The following PPARGC1A variants were observed in gnomAD, a reference collection of about 807,000 sequenced individuals.
PPARGC1A encodes PPARG coactivator 1 alpha, also known as peroxisome proliferator-activated receptor gamma coactivator 1-alpha.
A neutral mutation model predicts 88.7 loss-of-function variants in PPARGC1A; 25 were observed. The observed-to-expected ratio is 0.28, with a 90% confidence interval of 0.21 to 0.39. The LOEUF is 0.39. Among genes scored for constraint, PPARGC1A ranks in the 10% least tolerant of loss-of-function variants. The pLI is 1.00. For synonymous variants in PPARGC1A, 363 were observed against 355.6 expected, an observed-to-expected ratio of 1.02 and a Z score of -0.24; for missense variants, 880 against 968.7, an observed-to-expected ratio of 0.91 and a Z score of 1.22.
At chr4:24,000,118 A>G in the PPARGC1A span, among the ~76,000 whole-genome samples, 6 of 150,380 alleles carry the variant, frequency 4.0e-5, no homozygotes, top group African/African-American at 1.5e-4. Flanking sequence ...TTTTTCTTTC[A>G]TATATATGTT....
At chr4:23,939,514 A>G in the PPARGC1A span, among the ~76,000 whole-genome samples, 1 of 152,210 alleles carries the variant, frequency 6.6e-6, no homozygotes. Context: ...TTCAAAGATT[A>G]TCATGATCAC....
At chr4:23,936,629 T>C in the PPARGC1A span, among the ~76,000 whole-genome samples, 1 of 152,108 alleles carries the variant, frequency 6.6e-6, no homozygotes, top group Non-Finnish European at 1.5e-5. Context: ...CCCAACACTT[T>C]GGTAGGCCGA....
the PPARGC1A span, among the ~76,000 whole-genome samples, chr4:24,368,307 A>T: frequency 6.6e-6 from 1 of 152,312 alleles, no homozygotes; most frequent in African/African-American, 2.4e-5. Flanking sequence ...ATACAATTTT[A>T]GGGTAGCAAT....
At chr4:24,290,884 T>C in the PPARGC1A span, among the ~76,000 whole-genome samples, 1 of 152,236 alleles carries the variant, frequency 6.6e-6, no homozygotes, top group African/African-American at 2.4e-5. Context: ...GCTTCAGTGT[T>C]TCTTTTCCTA....
chr4:24,348,552 T>G, the PPARGC1A span, among the ~76,000 whole-genome samples: 1 of 152,196 alleles, frequency 6.6e-6, no homozygotes, highest in Admixed American at 6.5e-5. Context: ...TCAAATACCT[T>G]GTCTTGGAGC....
chr4:24,129,762 A>G, the PPARGC1A span, among the ~76,000 whole-genome samples: 3 of 152,196 alleles, frequency 2.0e-5, no homozygotes, highest in Admixed American at 2.0e-4. Flanking sequence ...TCCATCAATG[A>G]CAGACTGGAT....
the PPARGC1A span, among the ~76,000 whole-genome samples, chr4:24,057,760 T>C: frequency 1.3e-5 from 2 of 152,138 alleles, no homozygotes; most frequent in African/African-American, 4.8e-5. Flanking sequence ...TCTTTTGCAG[T>C]GAGATGAGCC....
the PPARGC1A span, among the ~76,000 whole-genome samples, chr4:24,429,939 C>A: frequency 6.6e-6 from 1 of 152,038 alleles, no homozygotes; most frequent in Non-Finnish European, 1.5e-5. Flanking sequence ...GTGTGAGACA[C>A]CGCACCTGGT....
chr4:24,401,825 T>G, the PPARGC1A span, among the ~76,000 whole-genome samples: 1 of 152,188 alleles, frequency 6.6e-6, no homozygotes, highest in Non-Finnish European at 1.5e-5. Context: ...GGTTGGTACA[T>G]GTGAAGTGCC....
chr4:24,129,783 T>C, the PPARGC1A span, among the ~76,000 whole-genome samples: 5 of 152,304 alleles, frequency 3.3e-5, no homozygotes, highest in East Asian at 7.7e-4. Flanking sequence ...TAAGAAAATG[T>C]GGCACATATA....
chr4:23,969,952 A>G, the PPARGC1A span, among the ~76,000 whole-genome samples: 3 of 152,230 alleles, frequency 2.0e-5, no homozygotes, highest in Non-Finnish European at 4.4e-5. Flanking sequence ...CATTTCCCAC[A>G]GAGATGAAGA....
At chr4:24,134,257 C>T in the PPARGC1A span, among the ~76,000 whole-genome samples, 1 of 152,300 alleles carries the variant, frequency 6.6e-6, no homozygotes, top group East Asian at 1.9e-4. Flanking sequence ...TGATTGATCC[C>T]ACTATGCATC....
upstream of PPARGC1A, among the ~76,000 whole-genome samples, chr4:23,906,989 TA>T (rs1460406743): frequency 1.3e-5 from 2 of 152,196 alleles, no homozygotes; most frequent in Non-Finnish European, 2.9e-5. Context: ...TAATCATAGC[TA>T]AGCTCCAGAG....
the PPARGC1A span, among the ~76,000 whole-genome samples, chr4:24,339,221 T>TACACACACACAC: frequency 1.8e-5 from 1 of 55,238 alleles, no homozygotes; most frequent in African/African-American, 5.7e-5. Context: ...TGTATATATA[T>TACACACACACAC]ATATATATAT....
the PPARGC1A span, among the ~76,000 whole-genome samples, chr4:23,926,486 C>T: frequency 2.6e-5 from 4 of 152,130 alleles, no homozygotes; most frequent in Non-Finnish European, 4.4e-5. Flanking sequence ...TGGCTACATC[C>T]TACCTTAGTG....
chr4:23,827,316 G>T (rs1210206800), intron 5 of PPARGC1A, among the ~76,000 whole-genome samples: 1 of 151,976 alleles, frequency 6.6e-6, no homozygotes, highest in East Asian at 1.9e-4. Flanking sequence ...GGGAAAAAAA[G>T]CGTATTGAAT....
chr4:24,457,670 G>A, the PPARGC1A span, among the ~76,000 whole-genome samples: 3 of 152,044 alleles, frequency 2.0e-5, no homozygotes, highest in Non-Finnish European at 4.4e-5. Context: ...TCAGCCTCCC[G>A]AGTAGCTGGG....
chr4:24,139,532 G>C, the PPARGC1A span, among the ~76,000 whole-genome samples: 2 of 152,104 alleles, frequency 1.3e-5, no homozygotes, highest in Non-Finnish European at 2.9e-5. Flanking sequence ...TACGTGAAGA[G>C]AAAAACAGAG....
the PPARGC1A span, among the ~76,000 whole-genome samples, chr4:24,054,405 A>T: frequency 2.6e-5 from 4 of 152,070 alleles, no homozygotes; most frequent in South Asian, 2.1e-4. Flanking sequence ...TGTCTTGCTA[A>T]AAAAGGAAAG....
Sources: allele counts gnomAD v4.1 joint callset (sites outside exome capture counted in the v4.1 genomes callset), GRCh38; gene constraint gnomAD v4.1.1; transcripts MANE v1.5; gene names NCBI Gene and HGNC (gene_info 2026-07-23, HGNC 2026-07-21).